The following GALNT5 variants were observed in gnomAD, a reference collection of about 807,000 sequenced individuals.
The protein encoded by GALNT5 is UDP-GalNAc:polypeptide N-acetylgalactosaminyltransferase 5.
A neutral mutation model predicts 85.4 loss-of-function variants in GALNT5; 72 were observed. The ratio of observed to expected loss-of-function variants is 0.84; its 90% CI spans 0.70 to 1.03. The LOEUF is 1.03. GALNT5 is among the 50% of genes least tolerant of loss of function. The pLI is 0.00. For synonymous variants in GALNT5, 404 were observed against 397.0 expected, an observed-to-expected ratio of 1.02 and a Z score of -0.21; for missense variants, 1,137 against 1,135.5, an observed-to-expected ratio of 1.00 and a Z score of -0.02.
chr2:157,307,328 A>G (rs1683475782), intron 8 of GALNT5, among the ~76,000 whole-genome samples: 1 of 152,230 alleles, frequency 6.6e-6, no homozygotes, highest in Non-Finnish European at 1.5e-5. Context: ...ACATTCATCC[A>G]AAAAGGCTCA....
chr2:157,307,432 C>T (rs1198543567), intron 8 of GALNT5, among the ~76,000 whole-genome samples: 2 of 152,148 alleles, frequency 1.3e-5, no homozygotes, highest in East Asian at 1.9e-4. Flanking sequence ...GCAGTTGAAA[C>T]GTATTTTTTC....
intron 1 of GALNT5, among the ~76,000 whole-genome samples, chr2:157,259,923 G>C (rs1047756939): frequency 1.3e-5 from 2 of 152,198 alleles, no homozygotes; most frequent in Admixed American, 1.3e-4. Flanking sequence ...TTATTAGCAA[G>C]TTTGTCAGGA....
intron 1 of GALNT5, among the ~76,000 whole-genome samples, chr2:157,283,201 A>G (rs1682893657): frequency 6.6e-6 from 1 of 152,246 alleles, no homozygotes; most frequent in Admixed American, 6.5e-5. Context: ...CACCAATAAA[A>G]AGGGAAAGAG....
chr2:157,262,559 G>A lies in GALNT5; in HGVS notation c.1454+3023G>A, dbSNP rs912379158. Among the ~76,000 whole-genome samples, 10 of 148,492 alleles carry A rather than the reference G, an allele frequency of 6.7e-5. No homozygotes were observed. The Middle Eastern group carries it at 0.01, about 152-fold the overall frequency. ...AAGCTGAGGTGGGAGGATCACTTGA[G>A]CCTGAGCGGTCGAGGTTGCAGTGAA... On this transcript the variant is annotated intron_variant, in intron 1 of 9. Coordinates refer to ENST00000259056, the MANE Select transcript of GALNT5 (RefSeq NM_014568.3).
At chr2:157,298,514 C>T (rs12694907) in intron 5 of GALNT5, among the ~76,000 whole-genome samples, 124,193 of 152,012 alleles carry the variant, frequency 0.82, 52,061 homozygotes, top group South Asian at 0.92. Context: ...AATCCTCCAT[C>T]CAGATAAGGG....
intron 1 of GALNT5, among the ~76,000 whole-genome samples, chr2:157,264,413 G>A (rs1455305429): frequency 2.0e-5 from 3 of 152,074 alleles, no homozygotes. Context: ...AAGAATTCTG[G>A]CGTGCTTGTC....
Position 157,257,986 on chromosome 2 carries a change from T to TCTGCTGCTG in GALNT5, c.-79_-71dup, listed in dbSNP as rs138788414. 111,042 of 1,318,774 alleles carry TCTGCTGCTG rather than the reference T, an allele frequency of 0.084. 4,846 individuals are homozygous for TCTGCTGCTG. Among genetic ancestry groups the TCTGCTGCTG allele is most frequent in the African/African-American group, 0.24 (15,870 of 66,972 alleles). The allele number at this position is 1,318,774 out of a possible 1,614,324, so 81.7% of individuals were successfully genotyped here. A position where few individuals can be genotyped will look rare whatever the true frequency, so the allele number is the denominator to read the frequency against. ...GGGGAGGGGGTCACTTTCTGGCAAC[T>TCTGCTGCTG]CTGCTGCTGCTGCTGCTGCTGCTGC... On this transcript the variant is annotated 5_prime_UTR_variant, in exon 1 of 10. Coordinates refer to ENST00000259056, the MANE Select transcript of GALNT5 (RefSeq NM_014568.3).
At chr2:157,299,482 G>A (rs1313971306) in intron 5 of GALNT5, 66 bp from the exon 6 acceptor site, 7 of 915,674 alleles carry the variant, frequency 7.6e-6, no homozygotes, top group South Asian at 1.4e-5. Context: ...GATGTACAGA[G>A]GAACAACTCT....
In GALNT5 at chr2:157,311,885, T is replaced by C. The variant is rs971036121; in HGVS notation, c.*537T>C. On this transcript the variant is annotated 3_prime_UTR_variant, in exon 10 of 10. Transcript: ENST00000259056. ...TGCATGCTTACCTAACAGTTTGAAA[T>C]AGTATTGATCTACTGCTGGTAACCC... The C allele has an allele frequency of 4.6e-5, 7 of 152,258 alleles. No individual in the cohort carries two copies. The highest frequency in any genetic ancestry group is 4.6e-4 in the Admixed American group (7 of 15,268). The allele number at this position is 152,258 out of a possible 1,614,324, so 9.4% of individuals were successfully genotyped here.
Position 157,296,441 on chromosome 2 carries a change from T to C in GALNT5, c.1925T>C (p.Met642Thr). The change falls in exon 5 of 10, where the codon ATG becomes ACG. Residue 642 changes from methionine (M) to threonine (T), a missense_variant. Physicochemically the swap from Met to Thr is moderately conservative, Grantham distance 81. Transcript: ENST00000259056. ...CAAAGAGGCATCTTTGTGTGGCCCA[T>C]GAACTTTGGTTGGAGAACAATTCCT... Reference protein sequence around the residue: ...NFQRGIFVWPMNFGWRTIPPD... With the variant: ...NFQRGIFVWPTNFGWRTIPPD... 1 of 1,608,900 alleles carries C rather than the reference T, an allele frequency of 6.2e-7. No homozygotes were observed. The highest frequency in any genetic ancestry group is 8.5e-7 in the Non-Finnish European group (1 of 1,175,402).
intron 9 of GALNT5, among the ~76,000 whole-genome samples, chr2:157,309,836 T>A (rs1044494851): frequency 1.3e-5 from 2 of 152,226 alleles, no homozygotes; most frequent in Non-Finnish European, 2.9e-5. Context: ...TGGTTATTAT[T>A]GAGTTATTCA....
At chr2:157,291,636 C>CA (rs1290316418) in intron 3 of GALNT5, among the ~76,000 whole-genome samples, 1 of 131,086 alleles carries the variant, frequency 7.6e-6, no homozygotes, top group Admixed American at 7.9e-5. Flanking sequence ...ACCACCCACC[C>CA]CCCCCCAGAT....
At chr2:157,288,089 C>G (rs957273506) in intron 3 of GALNT5, among the ~76,000 whole-genome samples, 4 of 152,214 alleles carry the variant, frequency 2.6e-5, no homozygotes, top group Non-Finnish European at 5.9e-5. Flanking sequence ...TTAGCCACCA[C>G]TCTGGCCCTG....
chr2:157,270,168 C>T (rs1682550995), intron 1 of GALNT5, among the ~76,000 whole-genome samples: 1 of 152,192 alleles, frequency 6.6e-6, no homozygotes, highest in Non-Finnish European at 1.5e-5. Flanking sequence ...ATTCAACCAC[C>T]TTACACCAGT....
At chr2:157,259,647 A>T in intron 1 of GALNT5, 111 bp downstream of exon 1, 1 of 715,846 alleles carries the variant, frequency 1.4e-6, no homozygotes, top group Non-Finnish European at 2.0e-6. Context: ...AGAGAATTAA[A>T]GAAACATTAA....
Position 157,313,708 on chromosome 2 carries a change from G to A in GALNT5, c.*2360G>A, listed in dbSNP as rs1402194109. The A allele has an allele frequency of 6.6e-6, 1 of 152,052 alleles. No individual in the cohort carries two copies. Among genetic ancestry groups the A allele is most frequent in the African/African-American group, 2.4e-5 (1 of 41,412 alleles). The allele number at this position is 152,052 out of a possible 1,614,324, so 9.4% of individuals were successfully genotyped here. ...GCATTTTGAATACACTTATCTTTGG[G>A]TATATCAACTAAAGGAAGTTGGATT... On this transcript the variant is annotated 3_prime_UTR_variant, in exon 10 of 10. Coordinates refer to ENST00000259056, the MANE Select transcript of GALNT5 (RefSeq NM_014568.3).
Position 157,309,082 on chromosome 2 carries a change from G to A in GALNT5, c.2682+354G>A, listed in dbSNP as rs532163731. ...TAATGCTTATAAGGAGAGGATATGG[G>A]CAACACAGGAAGCAGCATGTCTCCT... On this transcript the variant is annotated intron_variant, in intron 9 of 9. Coordinates refer to ENST00000259056, the MANE Select transcript of GALNT5 (RefSeq NM_014568.3). Among the ~76,000 whole-genome samples the A allele has an allele frequency of 3.3e-4, 51 of 152,258 alleles. 1 individual carries two copies. The highest frequency in any genetic ancestry group is 1.2e-3 in the African/African-American group (51 of 41,544).
intron 1 of GALNT5, among the ~76,000 whole-genome samples, chr2:157,261,676 G>A (rs878937202): frequency 6.6e-6 from 1 of 152,202 alleles, no homozygotes; most frequent in Admixed American, 6.5e-5. Context: ...TTCTTTGAAA[G>A]AGGATAAATC....
intron 8 of GALNT5, among the ~76,000 whole-genome samples, chr2:157,306,985 A>G (rs1025998834): frequency 4.1e-5 from 6 of 147,410 alleles, no homozygotes; most frequent in African/African-American, 1.5e-4. Flanking sequence ...TTCACATTAT[A>G]TGAAAGGAAA....
Sources: gnomAD v4.1 joint callset for allele counts (sites outside exome capture counted in the v4.1 genomes callset) on GRCh38, gnomAD v4.1.1 for gene constraint, MANE v1.5 for transcripts, NCBI Gene and HGNC (gene_info 2026-07-23, HGNC 2026-07-21) for gene names.